Variants in PLCZ1 observed in about 807,000 individuals in gnomAD.
PLCZ1 encodes the protein phospholipase C zeta 1.
In PLCZ1, 64 loss-of-function variants were observed where a neutral mutation model predicts 76.8. That is an observed-to-expected ratio of 0.83 (90% confidence interval 0.68 to 1.03). PLCZ1 has a LOEUF of 1.03. Among genes scored for constraint, PLCZ1 ranks in the 50% least tolerant of loss-of-function variants. The pLI is 0.00. For synonymous variants in PLCZ1, 248 were observed against 230.8 expected, an observed-to-expected ratio of 1.07 and a Z score of -0.68; for missense variants, 751 against 713.7, an observed-to-expected ratio of 1.05 and a Z score of -0.60.
intron 6 of PLCZ1, among the ~76,000 whole-genome samples, chr12:18,711,316 T>C (rs929345700): frequency 3.0e-5 from 4 of 131,888 alleles, no homozygotes; most frequent in Non-Finnish European, 6.1e-5. Flanking sequence ...TTCTCACTCA[T>C]AGGTGGGAAT....
chr12:18,688,358 C>T (rs910156971), intron 12 of PLCZ1, 140 bp from the exon 13 acceptor site: 14 of 819,882 alleles, frequency 1.7e-5, no homozygotes, highest in Non-Finnish European at 2.5e-5. Flanking sequence ...GAATACAATA[C>T]AAATTTTAAA....
the PLCZ1 span, chr12:18,647,919 T>C: frequency 1.9e-6 from 3 of 1,597,198 alleles, no homozygotes; most frequent in Non-Finnish European, 8.5e-7. Flanking sequence ...CATGTCTTAA[T>C]GCTTATTGTG....
the PLCZ1 span, among the ~76,000 whole-genome samples, chr12:18,664,178 C>T: frequency 0.012 from 1,796 of 152,212 alleles, 149 homozygotes; most frequent in Admixed American, 0.11. Context: ...TTGGTAGGAA[C>T]GTAAAATGGT....
rs138210697 is a variant in PLCZ1 at position 18,688,553 on chromosome 12, C to CATAT, written c.1462-339_1462-336dup. 6.6e-3 allele frequency among the ~76,000 whole-genome samples: 967 copies of CATAT among 146,938 alleles called. 4 individuals carry two copies. The highest frequency in any genetic ancestry group is 0.013 in the African/African-American group (516 of 40,306). On this transcript the variant is annotated intron_variant, in intron 12 of 14. Transcript: ENST00000266505. ...TCTGATAACGTACTGTTTTTGAATTCATATATATATATATATATGCTGGAA... is the reference window on the plus strand; with the variant it reads ...TCTGATAACGTACTGTTTTTGAATTCATATATATATATATATATATATGCTGGAA...
chr12:18,726,115 G>T (rs981799431), intron 3 of PLCZ1, among the ~76,000 whole-genome samples: 2 of 152,120 alleles, frequency 1.3e-5, no homozygotes, highest in African/African-American at 4.8e-5. Context: ...TGAAACTGAT[G>T]AAATAAGTGC....
chr12:18,689,468 T>C (rs1953726827), intron 12 of PLCZ1, among the ~76,000 whole-genome samples: 3 of 152,298 alleles, frequency 2.0e-5, no homozygotes, highest in Admixed American at 6.5e-5. Flanking sequence ...TCATCAGCTA[T>C]CGTTAGTGTT....
chr12:18,684,279 G>C lies in PLCZ1; in HGVS notation c.1592C>G (p.Ala531Gly), dbSNP rs753282259. The change falls in exon 14 of 15, where the codon GCT becomes GGT. Residue 531 changes from alanine to glycine, a missense_variant and splice_region_variant. Coordinates refer to ENST00000266505, the MANE Select transcript of PLCZ1 (RefSeq NM_033123.4). ...KQQTRVIKKNAFSPRWNETFT... is the reference protein window; with the variant it reads ...KQQTRVIKKNGFSPRWNETFT... ...TGTTTCATTCCATCTTGGACTAAAAGCTGAAATATAAAAAAAGAAGATACA... is the reference window on the plus strand; with the variant it reads ...TGTTTCATTCCATCTTGGACTAAAACCTGAAATATAAAAAAAGAAGATACA... 1.4e-5 allele frequency: 22 copies of C among 1,601,524 alleles called. No homozygotes were observed. The highest frequency in any genetic ancestry group is 2.6e-6 in the Non-Finnish European group (3 of 1,170,758).
At chr12:18,727,496 T>C (rs914268430) in intron 3 of PLCZ1, among the ~76,000 whole-genome samples, 1 of 152,164 alleles carries the variant, frequency 6.6e-6, no homozygotes, top group Non-Finnish European at 1.5e-5. Flanking sequence ...AGAAGGAAGA[T>C]ATTTGCCTGA....
the PLCZ1 span, among the ~76,000 whole-genome samples, chr12:18,649,937 C>T: frequency 4.6e-5 from 7 of 152,064 alleles, no homozygotes; most frequent in Non-Finnish European, 1.0e-4. Flanking sequence ...ACCTCCAGTG[C>T]TGGAGTGTCC....
At chr12:18,694,851 G>A in intron 12 of PLCZ1, 59 bp downstream of exon 12, 2 of 1,296,400 alleles carry the variant, frequency 1.5e-6, no homozygotes, top group Non-Finnish European at 2.1e-6. Context: ...AAATACTAAT[G>A]TACACTATCT....
chr12:18,722,723 G>A (rs1034916322), intron 4 of PLCZ1, among the ~76,000 whole-genome samples: 10 of 151,978 alleles, frequency 6.6e-5, no homozygotes, highest in Middle Eastern at 3.2e-3. Flanking sequence ...ATGACAGATC[G>A]TTAGCCTAAA....
intron 3 of PLCZ1, among the ~76,000 whole-genome samples, chr12:18,728,227 G>A (rs1414697984): frequency 6.6e-6 from 1 of 152,164 alleles, no homozygotes; most frequent in Non-Finnish European, 1.5e-5. Flanking sequence ...GACAGACCCA[G>A]ACATGAGTTT....
intron 7 of PLCZ1, among the ~76,000 whole-genome samples, chr12:18,704,008 A>G (rs1382819339): frequency 6.6e-6 from 1 of 152,222 alleles, no homozygotes; most frequent in African/African-American, 2.4e-5. Context: ...TTGTAATCTG[A>G]TAAAATTTGG....
intron 3 of PLCZ1, among the ~76,000 whole-genome samples, chr12:18,730,522 G>T (rs1317867992): frequency 6.6e-6 from 1 of 151,912 alleles, no homozygotes; most frequent in Non-Finnish European, 1.5e-5. Flanking sequence ...GGAGGTTTTT[G>T]AAGTATTCTT....
chr12:18,672,624 C>T, the PLCZ1 span, among the ~76,000 whole-genome samples: 1 of 152,026 alleles, frequency 6.6e-6, no homozygotes, highest in Non-Finnish European at 1.5e-5. Context: ...ATTATTTGAC[C>T]TTTTCTTTAC....
the PLCZ1 span, among the ~76,000 whole-genome samples, chr12:18,667,435 C>G: frequency 6.6e-6 from 1 of 152,086 alleles, no homozygotes; most frequent in African/African-American, 2.4e-5. Flanking sequence ...TCTCCAGAGT[C>G]AATATTATAG....
chr12:18,718,765 T>C (rs1188989906), intron 5 of PLCZ1, among the ~76,000 whole-genome samples: 1 of 152,178 alleles, frequency 6.6e-6, no homozygotes, highest in Non-Finnish European at 1.5e-5. Flanking sequence ...CTTGAAAACA[T>C]TTTTTACCTG....
chr12:18,726,490 C>T (rs774015308), intron 3 of PLCZ1, among the ~76,000 whole-genome samples: 6 of 152,124 alleles, frequency 3.9e-5, no homozygotes, highest in Non-Finnish European at 8.8e-5. Flanking sequence ...CCAATGCCTA[C>T]TACTGGACCT....
the PLCZ1 span, among the ~76,000 whole-genome samples, chr12:18,674,485 G>A: frequency 2.0e-3 from 309 of 152,140 alleles, 2 homozygotes; most frequent in African/African-American, 7.2e-3. Context: ...GAATTTTTTG[G>A]ACAAATAAAT....
Sources: allele counts gnomAD v4.1 joint callset (sites outside exome capture counted in the v4.1 genomes callset), GRCh38; gene constraint gnomAD v4.1.1; transcripts MANE v1.5; gene names NCBI Gene and HGNC (gene_info 2026-07-23, HGNC 2026-07-21).